GALNT2: variants seen among roughly 807,000 people sequenced by gnomAD.
The protein encoded by GALNT2 is UDP-GalNAc:polypeptide N-acetylgalactosaminyltransferase 2.
In GALNT2, 31 loss-of-function variants were observed where a neutral mutation model predicts 81.4. That is an observed-to-expected ratio of 0.38 (90% CI 0.29 to 0.51). The LOEUF (loss-of-function observed/expected upper bound fraction) is 0.51. GALNT2 is among the 20% of genes least tolerant of loss of function. The probability of loss-of-function intolerance (pLI) is 0.87; values close to 1 mark genes in which losing one functional copy is unlikely to be tolerated. For missense variants in GALNT2, 629 were observed against 765.7 expected (o/e 0.82, Z 2.11); for synonymous variants, 303 against 287.4 (o/e 1.05, Z -0.55).
At chr1:230,266,204 A>T (rs1018105270) in intron 14 of GALNT2, among the ~76,000 whole-genome samples, 1 of 152,054 alleles carries the variant, frequency 6.6e-6, no homozygotes, top group Non-Finnish European at 1.5e-5. Context: ...CAAAAAACAA[A>T]CAAACAAACA....
chr1:230,199,967 A>G (rs1196134099), intron 2 of GALNT2, among the ~76,000 whole-genome samples: 1 of 152,034 alleles, frequency 6.6e-6, no homozygotes, highest in Non-Finnish European at 1.5e-5. Flanking sequence ...TCTAGATAAG[A>G]TTGCTCCATT....
At chr1:230,101,966 G>C (rs1660415930) in intron 1 of GALNT2, among the ~76,000 whole-genome samples, 2 of 152,200 alleles carry the variant, frequency 1.3e-5, no homozygotes, top group Admixed American at 1.3e-4. Context: ...TGAAAATGCT[G>C]CTTCCTAAAA....
chr1:230,275,384 G>A lies in GALNT2; in HGVS notation c.1560+820G>A, dbSNP rs1666268734. Reference sequence around the variant, plus strand: ...ACATATACATCTATAAACACCACATGTATACACGCCACATATATACATATG... The same window carrying A: ...ACATATACATCTATAAACACCACATATATACACGCCACATATATACATATG... On this transcript the variant is annotated intron_variant, in intron 15 of 15. Coordinates refer to ENST00000366672, the MANE Select transcript of GALNT2 (RefSeq NM_004481.5). This position sits in a 1 kb window ranked among gnomAD's most constrained non-coding sequence, Gnocchi z 5.5. 7.1e-6 allele frequency among the ~76,000 whole-genome samples: 1 copy of A among 140,896 alleles called. No individual in the cohort carries two copies. The highest frequency in any genetic ancestry group is 2.3e-4 in the South Asian group (1 of 4,346). The allele number at this position is 140,896 out of a possible 152,430, so 92.4% of individuals were successfully genotyped here.
At chr1:230,175,616 C>CCA (rs1662952274) in intron 1 of GALNT2, among the ~76,000 whole-genome samples, 2 of 137,302 alleles carry the variant, frequency 1.5e-5, no homozygotes, top group Admixed American at 7.2e-5. Flanking sequence ...CCTCCTCCCC[C>CCA]TCCCTCTCCC....
At chr1:230,168,835 A>T (rs1240980945) in intron 1 of GALNT2, among the ~76,000 whole-genome samples, 2 of 152,228 alleles carry the variant, frequency 1.3e-5, no homozygotes, top group Non-Finnish European at 2.9e-5. Context: ...CAGTATTGAT[A>T]TGTTATTAAC....
Position 230,146,823 on chromosome 1 carries a change from C to T in GALNT2, c.127-31395C>T, listed in dbSNP as rs184423220. On this transcript the variant is annotated intron_variant, in intron 1 of 15. Transcript: ENST00000366672. ...ACCTCAGAGCGGCCCCACGTGTTGGCGGGGAGGCGTTATGCTGGAAACGTG... is the reference window on the plus strand; with the variant it reads ...ACCTCAGAGCGGCCCCACGTGTTGGTGGGGAGGCGTTATGCTGGAAACGTG... Among the ~76,000 whole-genome samples, 54 of 152,150 alleles carry T rather than the reference C, an allele frequency of 3.5e-4. No individual in the cohort carries two copies. The South Asian group carries it at 0.01, about 29-fold the overall frequency.
chr1:230,214,801 T>C (rs958125835), intron 3 of GALNT2, among the ~76,000 whole-genome samples: 4 of 152,190 alleles, frequency 2.6e-5, no homozygotes, highest in African/African-American at 9.7e-5. Context: ...ATAAGCTCTT[T>C]TCTGTACTTT....
chr1:230,182,221 T>C (rs914540481), intron 2 of GALNT2, among the ~76,000 whole-genome samples: 1 of 152,022 alleles, frequency 6.6e-6, no homozygotes, highest in African/African-American at 2.4e-5. Flanking sequence ...ATTTTCTGTT[T>C]TCAATTTTAT....
intron 1 of GALNT2, among the ~76,000 whole-genome samples, chr1:230,107,610 T>TTGTGTGTGTGTG (rs3033608): frequency 0.044 from 6,246 of 141,000 alleles, 162 homozygotes; most frequent in Middle Eastern, 0.083. Context: ...CTCATGGACT[T>TTGTGTGTGTGTG]TGTGTGTGTG....
intron 2 of GALNT2, among the ~76,000 whole-genome samples, chr1:230,200,513 G>A (rs1663857496): frequency 6.6e-6 from 1 of 152,180 alleles, no homozygotes; most frequent in African/African-American, 2.4e-5. Context: ...CGCAGGCCAG[G>A]GTCTGAGCTG....
intron 1 of GALNT2, among the ~76,000 whole-genome samples, chr1:230,104,266 C>T (rs1344089716): frequency 6.6e-6 from 1 of 152,180 alleles, no homozygotes; most frequent in Admixed American, 6.5e-5. Context: ...CTCCTCCTTT[C>T]TCCAAAGGTT....
intron 1 of GALNT2, among the ~76,000 whole-genome samples, chr1:230,134,576 G>A (rs1661477668): frequency 6.6e-6 from 1 of 152,158 alleles, no homozygotes; most frequent in Non-Finnish European, 1.5e-5. Context: ...TCTGGGTTGG[G>A]CCCAGGAGGA....
chr1:230,265,154 G>T, intron 13 of GALNT2, 87 bp from the exon 14 acceptor site: 1 of 1,578,516 alleles, frequency 6.3e-7, no homozygotes, highest in Non-Finnish European at 8.7e-7. Context: ...CCTGTCACCT[G>T]TCATGAGGCC....
intron 2 of GALNT2, among the ~76,000 whole-genome samples, chr1:230,190,177 G>A (rs546908130): frequency 1.3e-5 from 2 of 152,352 alleles, no homozygotes; most frequent in South Asian, 2.1e-4. Context: ...TGTATTGTAC[G>A]TTTTAGAAAT....
intron 11 of GALNT2, 126 bp downstream of exon 11, chr1:230,255,470 C>T (rs1665683121): frequency 7.7e-7 from 1 of 1,301,782 alleles, no homozygotes; most frequent in African/African-American, 1.5e-5. Flanking sequence ...AATGGAATAC[C>T]ACTTAGCAAT....
At chr1:230,191,826 T>C (rs1222393955) in intron 2 of GALNT2, among the ~76,000 whole-genome samples, 3 of 143,900 alleles carry the variant, frequency 2.1e-5, no homozygotes, top group Admixed American at 6.9e-5. Flanking sequence ...AAGCAGCGTT[T>C]GTTTTTATCT....
chr1:230,197,458 C>T (rs751573857), intron 2 of GALNT2, among the ~76,000 whole-genome samples: 1 of 152,188 alleles, frequency 6.6e-6, no homozygotes, highest in Non-Finnish European at 1.5e-5. Context: ...AGTGGGACAC[C>T]CCTCATGGGT....
chr1:230,092,184 T>TTGTTTTTTTTTGTTTG (rs796379271), intron 1 of GALNT2, among the ~76,000 whole-genome samples: 1 of 119,606 alleles, frequency 8.4e-6, no homozygotes, highest in Non-Finnish European at 1.7e-5. Flanking sequence ...TAGTTTTTTT[T>TTGTTTTTTTTTGTTTG]TTTTTTTTTT....
chr1:230,104,251 G>C (rs1660477947), intron 1 of GALNT2, among the ~76,000 whole-genome samples: 1 of 152,064 alleles, frequency 6.6e-6, no homozygotes, highest in Admixed American at 6.6e-5. Flanking sequence ...CCCCGAACAG[G>C]GTCTCTCCTC....
Sources: gnomAD v4.1 joint callset for allele counts (sites outside exome capture counted in the v4.1 genomes callset) on GRCh38, gnomAD v4.1.1 for gene constraint, Gnocchi (gnomAD v3.1) non-coding constraint, MANE v1.5 for transcripts, NCBI Gene and HGNC (gene_info 2026-07-23, HGNC 2026-07-21) for gene names.